Variants in FGF14 observed in about 807,000 individuals in gnomAD.
The protein encoded by FGF14 is fibroblast growth factor homologous factor 4.
A neutral mutation model predicts 25.5 loss-of-function variants in FGF14; 5 were observed. That is an observed-to-expected ratio of 0.20 (90% CI 0.10 to 0.41). The LOEUF (loss-of-function observed/expected upper bound fraction) is 0.41, where lower values mean the gene tolerates loss of function less well. FGF14 is among the 10% of genes least tolerant of loss of function. The probability of loss-of-function intolerance (pLI) is 1.00; values close to 1 mark genes in which losing one functional copy is unlikely to be tolerated. For missense variants in FGF14, 222 were observed against 320.1 expected, an observed-to-expected ratio of 0.69 and a Z score of 2.34; for synonymous variants, 138 against 118.3, an observed-to-expected ratio of 1.17 and a Z score of -1.08.
At chr13:102,091,576 A>G (rs1379181685) in intron 1 of FGF14, among the ~76,000 whole-genome samples, 1 of 152,100 alleles carries the variant, frequency 6.6e-6, no homozygotes, top group Non-Finnish European at 1.5e-5. Flanking sequence ...CCAGCCGGCC[A>G]TTGGTCCTCC....
At chr13:101,885,701 GA>G (rs75565604) in intron 1 of FGF14, among the ~76,000 whole-genome samples, 5,670 of 122,716 alleles carry the variant, frequency 0.046, 332 homozygotes, top group African/African-American at 0.14. Context: ...ACAGGCCTCT[GA>G]AAAAAAAAAA....
At chr13:102,020,386 T>C (rs980963785) in intron 1 of FGF14, among the ~76,000 whole-genome samples, 6 of 151,840 alleles carry the variant, frequency 4.0e-5, no homozygotes, top group African/African-American at 1.5e-4. Flanking sequence ...CTGTCTCTAC[T>C]AAAAATACAA....
intron 1 of FGF14, among the ~76,000 whole-genome samples, chr13:102,240,167 T>C (rs1188699845): frequency 6.6e-6 from 1 of 152,154 alleles, no homozygotes; most frequent in Non-Finnish European, 1.5e-5. Flanking sequence ...AGGGAGAAAA[T>C]GCTTCTTACA....
intron 1 of FGF14, among the ~76,000 whole-genome samples, chr13:102,230,696 G>T (rs1363802426): frequency 1.3e-5 from 2 of 152,086 alleles, no homozygotes; most frequent in African/African-American, 4.8e-5. Flanking sequence ...AAGAACTTGT[G>T]TCATTTATTC....
chr13:102,293,205 T>G (rs1253498523), intron 1 of FGF14: 1 of 152,222 alleles, frequency 6.6e-6, no homozygotes, highest in Non-Finnish European at 1.5e-5. Flanking sequence ...AAAATTGCCA[T>G]GAAGGCTCTC....
chr13:102,115,380 A>T (rs903391360), intron 1 of FGF14, among the ~76,000 whole-genome samples: 2 of 152,204 alleles, frequency 1.3e-5, no homozygotes, highest in African/African-American at 4.8e-5. Context: ...AAAAATGAGC[A>T]ATTATTATTT....
chr13:101,769,258 G>A (rs902304486), intron 3 of FGF14, among the ~76,000 whole-genome samples: 12 of 151,906 alleles, frequency 7.9e-5, no homozygotes, highest in African/African-American at 1.7e-4. Context: ...ACCACTGCAC[G>A]CCTATTTGGA....
chr13:102,291,506 C>G (rs2054394892), intron 1 of FGF14, among the ~76,000 whole-genome samples: 1 of 152,106 alleles, frequency 6.6e-6, no homozygotes, highest in Non-Finnish European at 1.5e-5. Context: ...AGAATGTGTT[C>G]TCTATTCACC....
At chr13:102,264,011 C>CTTT (rs5806287) in intron 1 of FGF14, among the ~76,000 whole-genome samples, 1,529 of 144,268 alleles carry the variant, frequency 0.011, 26 homozygotes, top group African/African-American at 0.036. Flanking sequence ...TTTCTCTTTC[C>CTTT]TTTTTTTTTT....
At chr13:102,324,187 G>T (rs2056345511) in intron 1 of FGF14, among the ~76,000 whole-genome samples, 1 of 152,060 alleles carries the variant, frequency 6.6e-6, no homozygotes, top group Non-Finnish European at 1.5e-5. Context: ...AGATAAAAGT[G>T]GAAAGAAGCG....
chr13:102,216,783 T>C (rs928318722), intron 1 of FGF14, among the ~76,000 whole-genome samples: 46 of 152,140 alleles, frequency 3.0e-4, no homozygotes, highest in Non-Finnish European at 1.5e-4. Context: ...TTAGTACCCA[T>C]TGACCAATTT....
chr13:101,833,072 A>G (rs2042756026), intron 3 of FGF14, among the ~76,000 whole-genome samples: 1 of 152,076 alleles, frequency 6.6e-6, no homozygotes, highest in Non-Finnish European at 1.5e-5. Flanking sequence ...TAGCATGGGT[A>G]GCCCAGGGCT....
intron 3 of FGF14, among the ~76,000 whole-genome samples, chr13:101,757,513 T>C (rs576981477): frequency 6.6e-6 from 1 of 152,336 alleles, no homozygotes; most frequent in African/African-American, 2.4e-5. Context: ...AAGTTATTAA[T>C]TATTCATGTA....
intron 3 of FGF14, among the ~76,000 whole-genome samples, chr13:101,775,159 C>T (rs1209217376): frequency 1.3e-5 from 2 of 151,984 alleles, no homozygotes; most frequent in East Asian, 3.9e-4. Context: ...ATATATTAAT[C>T]ACATCAGTTT....
chr13:102,173,565 G>A (rs1310177748), intron 1 of FGF14, among the ~76,000 whole-genome samples: 1 of 152,146 alleles, frequency 6.6e-6, no homozygotes, highest in African/African-American at 2.4e-5. Flanking sequence ...CAGCCAAGAT[G>A]TGGAAACAAC....
chr13:101,827,076 A>G (rs557436811), intron 3 of FGF14, among the ~76,000 whole-genome samples: 1 of 152,168 alleles, frequency 6.6e-6, no homozygotes, highest in East Asian at 1.9e-4. Flanking sequence ...GACAGCTTCC[A>G]GCTAGAAGAG....
intron 1 of FGF14, among the ~76,000 whole-genome samples, chr13:102,284,543 G>T (rs1265942392): frequency 2.6e-5 from 4 of 151,902 alleles, no homozygotes; most frequent in African/African-American, 9.7e-5. Context: ...TAATGAAATT[G>T]GTCTAGATGC....
intron 1 of FGF14, among the ~76,000 whole-genome samples, chr13:102,231,183 T>C (rs1027498214): frequency 1.3e-5 from 2 of 152,238 alleles, no homozygotes; most frequent in African/African-American, 2.4e-5. Flanking sequence ...GTGAAATATA[T>C]GGATCATTTT....
intron 3 of FGF14, among the ~76,000 whole-genome samples, chr13:101,864,380 G>A (rs984306465): frequency 2.6e-5 from 4 of 152,172 alleles, no homozygotes; most frequent in African/African-American, 9.6e-5. Context: ...CGTTATCACC[G>A]TCTCCCCCAG....
Sources: gnomAD v4.1 joint callset for allele counts (sites outside exome capture counted in the v4.1 genomes callset) on GRCh38, gnomAD v4.1.1 for gene constraint, MANE v1.5 for transcripts, NCBI Gene and HGNC (gene_info 2026-07-23, HGNC 2026-07-21) for gene names.